CDH11: variants seen among roughly 807,000 people sequenced by gnomAD.
CDH11 encodes the protein cadherin 11.
In CDH11, 11 loss-of-function variants were observed where a neutral mutation model predicts 67.8. The ratio of observed to expected loss-of-function variants is 0.16; its 90% CI spans 0.10 to 0.27. The LOEUF (loss-of-function observed/expected upper bound fraction) is 0.27. Ranked by LOEUF, CDH11 falls within the 10% of genes least tolerant of loss-of-function variation. The probability of loss-of-function intolerance (pLI) is 1.00; values close to 1 mark genes in which losing one functional copy is unlikely to be tolerated. For synonymous variants in CDH11, 419 were observed against 400.0 expected, an observed-to-expected ratio of 1.05 and a Z score of -0.57; for missense variants, 847 against 1,031.2, an observed-to-expected ratio of 0.82 and a Z score of 2.45.
intron 3 of CDH11, among the ~76,000 whole-genome samples, chr16:65,000,547 A>G (rs1008007107): frequency 1.3e-5 from 2 of 152,238 alleles, no homozygotes; most frequent in Admixed American, 1.3e-4. Flanking sequence ...CTGTAATCTC[A>G]GCACTTTGGG....
At chr16:65,042,790 T>A (rs2142674288) in intron 2 of CDH11, among the ~76,000 whole-genome samples, 1 of 152,340 alleles carries the variant, frequency 6.6e-6, no homozygotes. Context: ...TGATTTCCAC[T>A]GGCTTTTTCA....
At chr16:65,028,440 C>T (rs2073575972) in intron 2 of CDH11, among the ~76,000 whole-genome samples, 1 of 107,974 alleles carries the variant, frequency 9.3e-6, no homozygotes, top group African/African-American at 3.6e-5. Flanking sequence ...GATCAAGGAC[C>T]TTGGGACATT....
upstream of CDH11, among the ~76,000 whole-genome samples, chr16:65,123,327 G>A (rs935535612): frequency 1.3e-5 from 2 of 152,012 alleles, no homozygotes; most frequent in African/African-American, 2.4e-5. Context: ...GGGGGACGGG[G>A]ATGAGGCTGG....
intron 8 of CDH11, among the ~76,000 whole-genome samples, chr16:64,974,671 C>T (rs1477477125): frequency 6.6e-6 from 1 of 152,126 alleles, no homozygotes; most frequent in Non-Finnish European, 1.5e-5. Flanking sequence ...ATTCATACAC[C>T]TCCTCAATGT....
In CDH11 at chr16:64,993,031, G is replaced by A. The variant is rs765180552; in HGVS notation, c.527C>T (p.Thr176Met). Reference protein sequence around the residue: ...ANVPERSNVGTSVIQVTASDA... With the variant: ...ANVPERSNVGMSVIQVTASDA... ...TGAAGCTGTCACCTGGATTACTGAC[G>A]TTCCTTAAAAGTGAAATAAATTAAT... is the stretch of plus-strand genomic sequence containing the variant. Residue 176 changes from threonine to methionine, a missense_variant, in exon 5 of 13, where the codon ACG becomes ATG. Transcript: ENST00000268603. 14 of 1,609,456 alleles carry A rather than the reference G, an allele frequency of 8.7e-6. No individual in the cohort carries two copies. The highest frequency in any genetic ancestry group is 3.3e-5 in the South Asian group (3 of 90,930).
At position 65,013,492 on chromosome 16, in the gene CDH11, A is replaced by G. The variant is rs538235806; in HGVS notation, c.-172-8451T>C. ...TTACAACTCACTACACTAGAGGTGG[A>G]AATCAGCCTCTGCAAGTCTCCACAC... On this transcript the variant is annotated intron_variant, in intron 2 of 12. Coordinates refer to ENST00000268603, the MANE Select transcript of CDH11 (RefSeq NM_001797.4). 2.6e-5 allele frequency among the ~76,000 whole-genome samples: 4 copies of G among 152,246 alleles called. No individual in the cohort carries two copies. In the South Asian group the frequency reaches 8.3e-4, roughly 32 times the overall value.
intron 2 of CDH11, among the ~76,000 whole-genome samples, chr16:65,021,340 G>T (rs1175860793): frequency 6.6e-6 from 1 of 152,106 alleles, no homozygotes; most frequent in Non-Finnish European, 1.5e-5. Context: ...GAAAATAGAG[G>T]TTTTTCCCAG....
chr16:64,948,642 A>T (rs1333542560), intron 12 of CDH11: 2 of 1,612,176 alleles, frequency 1.2e-6, no homozygotes, highest in East Asian at 2.2e-5. Flanking sequence ...TAGCCACCAC[A>T]TAGAGGAAAG....
chr16:65,075,531 C>T (rs2074493774), intron 1 of CDH11, among the ~76,000 whole-genome samples: 1 of 152,202 alleles, frequency 6.6e-6, no homozygotes, highest in Non-Finnish European at 1.5e-5. Context: ...AAGAACCCTT[C>T]TTCCATTAGG....
At chr16:65,034,363 T>C (rs1330947300) in intron 2 of CDH11, among the ~76,000 whole-genome samples, 1 of 152,212 alleles carries the variant, frequency 6.6e-6, no homozygotes, top group African/African-American at 2.4e-5. Flanking sequence ...TGTGGAACTT[T>C]GTTTCAATGG....
intron 1 of CDH11, among the ~76,000 whole-genome samples, chr16:65,114,392 TAG>T (rs988032885): frequency 1.3e-5 from 2 of 152,124 alleles, no homozygotes; most frequent in African/African-American, 4.8e-5. Flanking sequence ...ACTGAGGATT[TAG>T]AGTCAGAGCA....
At chr16:64,981,525 G>C (rs2072349032) in intron 8 of CDH11, 1 of 152,128 alleles carries the variant, frequency 6.6e-6, no homozygotes, top group Non-Finnish European at 1.5e-5. Context: ...GTTAGACAGA[G>C]CTGGCTTTCC....
chr16:64,967,790 C>T (rs1165690031), intron 11 of CDH11, among the ~76,000 whole-genome samples: 1 of 151,284 alleles, frequency 6.6e-6, no homozygotes, highest in Non-Finnish European at 1.5e-5. Context: ...TGTTTTAATA[C>T]CATTTTTGTT....
chr16:65,047,699 T>C (rs1348893448), intron 2 of CDH11, among the ~76,000 whole-genome samples: 1 of 152,150 alleles, frequency 6.6e-6, no homozygotes, highest in African/African-American at 2.4e-5. Flanking sequence ...ATCTTAACTG[T>C]TTAAATGTAT....
chr16:65,064,917 ATTATT>A (rs1462877682), intron 1 of CDH11, among the ~76,000 whole-genome samples: 1 of 152,202 alleles, frequency 6.6e-6, no homozygotes, highest in African/African-American at 2.4e-5. Flanking sequence ...TGGCACCACA[ATTATT>A]TTATGGACAG....
At chr16:65,019,648 A>G (rs2073382153) in intron 2 of CDH11, among the ~76,000 whole-genome samples, 1 of 152,180 alleles carries the variant, frequency 6.6e-6, no homozygotes. Context: ...AATTTCTATT[A>G]AGGAGCATAT....
At chr16:65,028,703 T>C (rs572278666) in intron 2 of CDH11, among the ~76,000 whole-genome samples, 1 of 152,308 alleles carries the variant, frequency 6.6e-6, no homozygotes, top group Admixed American at 6.5e-5. Flanking sequence ...TTCATGAGCT[T>C]GCACAACCCC....
intron 12 of CDH11, 62 bp downstream of exon 12, chr16:64,950,705 G>A: frequency 1.3e-6 from 2 of 1,576,190 alleles, no homozygotes; most frequent in Non-Finnish European, 1.7e-6. Context: ...AGAAGCATGT[G>A]TTTCAAGGAG....
At position 65,112,869 on chromosome 16, in the gene CDH11, G is replaced by C. The variant is rs866618302; in HGVS notation, c.-298+9011C>G. ...ATAAGAGATTCATTTAAAGCCTTATGTTTAGGGCTCACAACTTAACTGCCC... is the reference window on the plus strand; with the variant it reads ...ATAAGAGATTCATTTAAAGCCTTATCTTTAGGGCTCACAACTTAACTGCCC... On this transcript the variant is annotated intron_variant, in intron 1 of 12. Transcript: ENST00000268603. 3.9e-5 allele frequency among the ~76,000 whole-genome samples: 6 copies of C among 152,320 alleles called. 1 individual carries two copies. In the South Asian group the frequency reaches 6.2e-4, roughly 16 times the overall value.
Sources: allele counts gnomAD v4.1 joint callset (sites outside exome capture counted in the v4.1 genomes callset), GRCh38; gene constraint gnomAD v4.1.1; transcripts MANE v1.5; gene names NCBI Gene and HGNC (gene_info 2026-07-23, HGNC 2026-07-21).